TRPS1: variants seen among roughly 807,000 people sequenced by gnomAD.
TRPS1 encodes transcriptional repressor GATA binding 1.
TRPS1 carries 6 observed loss-of-function variants against 101.2 expected under a neutral mutation model. The ratio of observed to expected loss-of-function variants is 0.06; its 90% CI spans 0.03 to 0.12. TRPS1 has a LOEUF of 0.12. Among genes scored for constraint, TRPS1 ranks in the 10% least tolerant of loss-of-function variants. The probability of loss-of-function intolerance (pLI) is 1.00; values close to 1 mark genes in which losing one functional copy is unlikely to be tolerated. For missense variants in TRPS1, 1,363 were observed against 1,567.0 expected (o/e 0.87, Z 2.20); for synonymous variants, 578 against 589.8 (o/e 0.98, Z 0.29).
chr8:115,498,890 C>T (rs1468170635), intron 5 of TRPS1, among the ~76,000 whole-genome samples: 1 of 152,072 alleles, frequency 6.6e-6, no homozygotes, highest in African/African-American at 2.4e-5. Flanking sequence ...TATCACAGGG[C>T]AGCTACCTCC....
At chr8:115,469,786 C>G (rs771419547) in intron 5 of TRPS1, among the ~76,000 whole-genome samples, 17 of 152,188 alleles carry the variant, frequency 1.1e-4, no homozygotes, top group Non-Finnish European at 2.2e-4. Context: ...ACTTTAGCCT[C>G]CCAAAGTGCT....
chr8:115,487,578 A>C (rs1173402926), intron 5 of TRPS1, among the ~76,000 whole-genome samples: 1 of 152,220 alleles, frequency 6.6e-6, no homozygotes, highest in Non-Finnish European at 1.5e-5. Flanking sequence ...GGAGGAGGTT[A>C]AAATATTAAC....
At chr8:115,665,660 C>A (rs1300634317) in intron 1 of TRPS1, among the ~76,000 whole-genome samples, 2 of 152,106 alleles carry the variant, frequency 1.3e-5, no homozygotes, top group Admixed American at 1.3e-4. Flanking sequence ...TTTATAAAAT[C>A]ATTTAAAATA....
At chr8:115,493,240 T>G (rs1405283238) in intron 5 of TRPS1, among the ~76,000 whole-genome samples, 5 of 152,210 alleles carry the variant, frequency 3.3e-5, no homozygotes, top group African/African-American at 1.2e-4. Flanking sequence ...AGCTTTTAAC[T>G]TCCATGAATT....
chr8:115,620,798 A>C (rs1818376508), intron 2 of TRPS1, among the ~76,000 whole-genome samples: 2 of 152,254 alleles, frequency 1.3e-5, no homozygotes. Flanking sequence ...CACAGTGGTC[A>C]GATCAGGTTT....
chr8:115,663,992 A>C (rs1409730529), intron 1 of TRPS1, among the ~76,000 whole-genome samples: 5 of 152,112 alleles, frequency 3.3e-5, no homozygotes, highest in Non-Finnish European at 1.5e-5. Flanking sequence ...ACAACTGAGC[A>C]CTGTGATAGC....
At chr8:115,481,967 TACAGGGCAGAATAGG>T (rs1287514243) in intron 5 of TRPS1, among the ~76,000 whole-genome samples, 1 of 152,076 alleles carries the variant, frequency 6.6e-6, no homozygotes, top group Non-Finnish European at 1.5e-5. Flanking sequence ...ATGAACAGAA[TACAGGGCAGAATAGG>T]ACATGGCTTC....
chr8:115,514,200 G>T (rs1815653536), intron 5 of TRPS1, among the ~76,000 whole-genome samples: 1 of 151,564 alleles, frequency 6.6e-6, no homozygotes, highest in Non-Finnish European at 1.5e-5. Flanking sequence ...ATTCACTTTG[G>T]AAAGAAAGAA....
chr8:115,637,255 G>T, intron 1 of TRPS1: 2 of 985,426 alleles, frequency 2.0e-6, no homozygotes, highest in Non-Finnish European at 2.4e-6. Context: ...GGTTGCCAAG[G>T]TTAATAAGAC....
chr8:115,493,159 T>C (rs1815069817), intron 5 of TRPS1, among the ~76,000 whole-genome samples: 2 of 152,184 alleles, frequency 1.3e-5, no homozygotes, highest in South Asian at 4.1e-4. Flanking sequence ...AGCAAGAGTC[T>C]GCTAGTGAAA....
intron 5 of TRPS1, among the ~76,000 whole-genome samples, chr8:115,487,423 A>G (rs533599749): frequency 2.0e-5 from 3 of 152,152 alleles, no homozygotes; most frequent in South Asian, 4.1e-4. Context: ...GGACTTTTCA[A>G]GTCTTATTAT....
intron 5 of TRPS1, among the ~76,000 whole-genome samples, chr8:115,516,409 G>A (rs1326707246): frequency 6.6e-6 from 1 of 151,432 alleles, no homozygotes; most frequent in Non-Finnish European, 1.5e-5. Context: ...CACACAATGT[G>A]AGTGAAAAAA....
Position 115,668,710 on chromosome 8 carries a change from A to C in TRPS1, c.-287T>G. ...CCCCCCCTTTCCCTCCCCCACCCTT[A>C]TTAAAAAAGAGAGAGAGAGAGAGAG... On this transcript the variant is annotated 5_prime_UTR_variant, in exon 1 of 7. Coordinates refer to ENST00000395715, the MANE Select transcript of TRPS1 (RefSeq NM_014112.5). The C allele has an allele frequency of 1.0e-5, 1 of 99,280 alleles. No individual in the cohort carries two copies. The allele number at this position is 99,280 out of a possible 1,614,324, so 6.1% of individuals were successfully genotyped here.
At chr8:115,478,109 A>T (rs1227281681) in intron 5 of TRPS1, among the ~76,000 whole-genome samples, 1 of 152,186 alleles carries the variant, frequency 6.6e-6, no homozygotes, top group Non-Finnish European at 1.5e-5. Flanking sequence ...AAGTATGCTG[A>T]TTTAAAATTC....
chr8:115,442,964 C>CG (rs1813643845), intron 5 of TRPS1, among the ~76,000 whole-genome samples: 1 of 152,030 alleles, frequency 6.6e-6, no homozygotes, highest in Non-Finnish European at 1.5e-5. Flanking sequence ...GACGTGGTGG[C>CG]GGGCGCCTGT....
Position 115,411,353 on chromosome 8 carries a change from C to T in TRPS1, c.*2670G>A, listed in dbSNP as rs1413582967. The T allele has an allele frequency of 2.0e-5, 3 of 152,250 alleles. No homozygotes were observed. The highest frequency in any genetic ancestry group is 4.4e-5 in the Non-Finnish European group (3 of 67,960). The allele number at this position is 152,250 out of a possible 1,614,324, so 9.4% of individuals were successfully genotyped here. A position where few individuals can be genotyped will look rare whatever the true frequency, so the allele number is the denominator to read the frequency against. On this transcript the variant is annotated 3_prime_UTR_variant, in exon 7 of 7. Transcript: ENST00000395715. Reference sequence around the variant, plus strand: ...ATAAAGAACCTATTTGTGTCCGACACACTAGAGAAATTGCTTAATGAGTAG... The same window carrying T: ...ATAAAGAACCTATTTGTGTCCGACATACTAGAGAAATTGCTTAATGAGTAG...
In TRPS1 at chr8:115,603,903, T is replaced by G; in HGVS notation, c.2066A>C (p.Gln689Pro). ...HSCTKCDFIT[Q>P]VEEEISRHYR... The stretch of plus-strand genomic sequence containing the variant: ...GTGTCGGGAAATCTCTTCTTCCACT[T>G]GGGTAATAAAATCACATTTGGTACA... The change falls in exon 4 of 7, where the codon CAA (glutamine) becomes CCA (proline). Residue 689 changes from glutamine (Q) to proline (P), a missense_variant. Coordinates refer to ENST00000395715, the MANE Select transcript of TRPS1 (RefSeq NM_014112.5). 5.0e-6 allele frequency: 8 copies of G among 1,614,020 alleles called. No individual in the cohort carries two copies. The highest frequency in any genetic ancestry group is 6.8e-6 in the Non-Finnish European group (8 of 1,179,934).
At chr8:115,632,306 T>C (rs1818663872) in intron 1 of TRPS1, among the ~76,000 whole-genome samples, 1 of 152,126 alleles carries the variant, frequency 6.6e-6, no homozygotes, top group Non-Finnish European at 1.5e-5. Context: ...AAACTCAAAA[T>C]ATACTATACA....
chr8:115,423,855 T>G (rs967707920), intron 5 of TRPS1, among the ~76,000 whole-genome samples: 1 of 152,210 alleles, frequency 6.6e-6, no homozygotes, highest in Non-Finnish European at 1.5e-5. Flanking sequence ...CGGCTGTTTT[T>G]ATTCCTTATT....
Sources: gnomAD v4.1 joint callset for allele counts (sites outside exome capture counted in the v4.1 genomes callset) on GRCh38, gnomAD v4.1.1 for gene constraint, MANE v1.5 for transcripts, NCBI Gene and HGNC (gene_info 2026-07-23, HGNC 2026-07-21) for gene names.